SPAG17: variants seen among roughly 807,000 people sequenced by gnomAD.
The protein encoded by SPAG17 is sperm associated antigen 17, also known as sperm-associated antigen 17.
Under a neutral mutation model 273.6 loss-of-function variants are expected in SPAG17, and 169 were observed. The ratio of observed to expected loss-of-function variants is 0.62; its 90% CI spans 0.55 to 0.70. SPAG17 has a LOEUF of 0.70. Among genes scored for constraint, SPAG17 ranks in the 30% least tolerant of loss-of-function variants. The probability of loss-of-function intolerance (pLI) is 0.00; values close to 1 mark genes in which losing one functional copy is unlikely to be tolerated. For synonymous variants in SPAG17, 825 were observed against 873.2 expected (o/e 0.94, Z 0.97); for missense variants, 2,557 against 2,627.8 (o/e 0.97, Z 0.59).
chr1:118,111,195 T>C (rs1656734751), intron 4 of SPAG17, among the ~76,000 whole-genome samples: 1 of 152,158 alleles, frequency 6.6e-6, no homozygotes, highest in South Asian at 2.1e-4. Context: ...CTGAAGTCTG[T>C]AAAAAGTTTT....
In SPAG17 at chr1:117,991,449, C is replaced by G; in HGVS notation, c.5441G>C (p.Arg1814Thr). 1 of 1,611,308 alleles carries G rather than the reference C, an allele frequency of 6.2e-7. No individual in the cohort carries two copies. The highest frequency in any genetic ancestry group is 2.2e-5 in the East Asian group (1 of 44,694). Residue 1814 changes from arginine to threonine, a missense_variant, in exon 37 of 49, where the codon AGA becomes ACA. Coordinates refer to ENST00000336338, the MANE Select transcript of SPAG17 (RefSeq NM_206996.4). ...MVKDSRTEEE[R>T]GNAADLLKLV... is the part of the protein sequence containing the mutation. ...CTTGAGGAGATCAGCAGCATTGCCT[C>G]TCTCCTCCTCAGTTCTGGAATCTTT...
At chr1:118,082,156 T>C (rs1003617757) in intron 13 of SPAG17, among the ~76,000 whole-genome samples, 3 of 152,226 alleles carry the variant, frequency 2.0e-5, no homozygotes, top group African/African-American at 7.2e-5. Flanking sequence ...GTTTATCAGC[T>C]TTCAGCAGGC....
chr1:117,992,923 G>A (rs1657272129), intron 35 of SPAG17, among the ~76,000 whole-genome samples: 1 of 152,140 alleles, frequency 6.6e-6, no homozygotes. Context: ...AGAGTGCTAA[G>A]CAATGTAATA....
chr1:118,024,312 A>G (rs531982430), intron 27 of SPAG17, among the ~76,000 whole-genome samples: 58 of 151,636 alleles, frequency 3.8e-4, no homozygotes, highest in African/African-American at 1.3e-3. Context: ...ACCCCTTCCC[A>G]TTTTTGATCA....
chr1:117,977,138 C>T lies in SPAG17; in HGVS notation c.6005-3577G>A, dbSNP rs1296384572. On this transcript the variant is annotated intron_variant, in intron 43 of 48. Transcript: ENST00000336338. ...CAGACTGGCCAACATAGTGAAACCC[C>T]GTCTCTACTAAAAATACAAAAAAAA... Among the ~76,000 whole-genome samples, 3 of 147,550 alleles carry T rather than the reference C, an allele frequency of 2.0e-5. No individual in the cohort carries two copies. In the Admixed American group the frequency reaches 2.1e-4, roughly 10 times the overall value.
chr1:118,008,688 G>A (rs1659161130), intron 30 of SPAG17, among the ~76,000 whole-genome samples: 1 of 152,014 alleles, frequency 6.6e-6, no homozygotes, highest in Non-Finnish European at 1.5e-5. Flanking sequence ...TGCTTTAAAT[G>A]TATGTAAGCT....
At chr1:118,090,680 T>TA (rs1284749020) in intron 10 of SPAG17, among the ~76,000 whole-genome samples, 2 of 152,014 alleles carry the variant, frequency 1.3e-5, no homozygotes, top group African/African-American at 4.8e-5. Context: ...GGCCACGAGT[T>TA]AAAGACCATA....
chr1:118,089,332 C>CGTGTGTGTGTGTGTATGT (rs1553248821), intron 10 of SPAG17, among the ~76,000 whole-genome samples: 1 of 135,882 alleles, frequency 7.4e-6, no homozygotes, highest in Non-Finnish European at 1.6e-5. Context: ...ATGTAGATGA[C>CGTGTGTGTGTGTGTATGT]GTGTGTGTGT....
Position 118,093,271 on chromosome 1 carries a change from T to C in SPAG17, c.1058A>G (p.Tyr353Cys), listed in dbSNP as rs760019130. Residue 353 changes from tyrosine (Y) to cysteine (C), a missense_variant, in exon 8 of 49, where the codon TAT becomes TGT. Transcript: ENST00000336338. ...DIFENIACLMYDILDWKRQHQ... is the reference protein window; with the variant it reads ...DIFENIACLMCDILDWKRQHQ... ...CTGCCTTTTCCAATCCAGGATGTCA[T>C]ACATCAAGCAGGCAATATTTTCAAA... is the stretch of plus-strand genomic sequence containing the variant. The C allele has an allele frequency of 3.1e-6, 5 of 1,613,318 alleles. No individual in the cohort carries two copies. Among genetic ancestry groups the C allele is most frequent in the Middle Eastern group, 1.7e-4 (1 of 6,052 alleles).
chr1:118,138,206 C>T (rs752949610), intron 3 of SPAG17, among the ~76,000 whole-genome samples: 1 of 152,190 alleles, frequency 6.6e-6, no homozygotes, highest in Non-Finnish European at 1.5e-5. Context: ...TTATATCTGG[C>T]TTCTTATGAT....
chr1:118,099,153 G>A (rs1009804114), intron 6 of SPAG17, among the ~76,000 whole-genome samples: 4 of 152,138 alleles, frequency 2.6e-5, no homozygotes, highest in African/African-American at 9.7e-5. Context: ...CTAAGGCTAG[G>A]AAGATAGCAC....
At chr1:118,124,818 A>C (rs1209066097) in intron 3 of SPAG17, among the ~76,000 whole-genome samples, 1 of 152,192 alleles carries the variant, frequency 6.6e-6, no homozygotes, top group African/African-American at 2.4e-5. Context: ...AACCCAGGCT[A>C]TCTGGTTCCA....
At chr1:118,012,474 A>T in intron 29 of SPAG17, 102 bp from the exon 30 acceptor site, 1 of 1,342,556 alleles carries the variant, frequency 7.4e-7, no homozygotes. Flanking sequence ...TCAAAGTCCT[A>T]GTTATTTATT....
intron 3 of SPAG17, among the ~76,000 whole-genome samples, chr1:118,136,801 ATG>A (rs5777337): frequency 0.81 from 119,203 of 147,134 alleles, 48,054 homozygotes; most frequent in Admixed American, 0.85. Context: ...GTGTGTGTGT[ATG>A]TGTGTGTGTG....
chr1:117,970,001 A>G, intron 46 of SPAG17, 55 bp downstream of exon 46: 1 of 1,533,042 alleles, frequency 6.5e-7, no homozygotes, highest in Non-Finnish European at 9.0e-7. Flanking sequence ...GGAAACCTAT[A>G]CATAGTCACT....
chr1:118,009,506 T>C (rs945621335), intron 30 of SPAG17, among the ~76,000 whole-genome samples: 2 of 152,154 alleles, frequency 1.3e-5, no homozygotes, highest in African/African-American at 4.8e-5. Context: ...TCCAGTTAAT[T>C]AGCAGCTACC....
chr1:117,988,006 C>T, intron 39 of SPAG17, 99 bp downstream of exon 39: 2 of 1,419,646 alleles, frequency 1.4e-6, no homozygotes, highest in Non-Finnish European at 1.9e-6. Flanking sequence ...GCTGTGAATT[C>T]ATTGATGTAG....
intron 12 of SPAG17, among the ~76,000 whole-genome samples, 176 bp downstream of exon 12, chr1:118,086,495 A>AT (rs1168051270): frequency 6.6e-6 from 1 of 152,086 alleles, no homozygotes; most frequent in Non-Finnish European, 1.5e-5. Flanking sequence ...GGCTGACATC[A>AT]TTTTTCTCTG....
intron 1 of SPAG17, among the ~76,000 whole-genome samples, chr1:118,173,499 T>G (rs935214471): frequency 2.6e-5 from 4 of 152,128 alleles, no homozygotes; most frequent in Admixed American, 6.5e-5. Flanking sequence ...GTCAGTGGCA[T>G]GCTTTTCGGT....
Sources: gnomAD v4.1 joint callset for allele counts (sites outside exome capture counted in the v4.1 genomes callset) on GRCh38, gnomAD v4.1.1 for gene constraint, MANE v1.5 for transcripts, NCBI Gene and HGNC (gene_info 2026-07-23, HGNC 2026-07-21) for gene names.